The following SYN2 variants were observed in gnomAD, a reference collection of about 807,000 sequenced individuals.
SYN2 encodes synapsin II.
In SYN2, 19 loss-of-function variants were observed where a neutral mutation model predicts 50.9. That is an observed-to-expected ratio of 0.37 (90% CI 0.26 to 0.55). The LOEUF (loss-of-function observed/expected upper bound fraction) is 0.55. SYN2 is among the 20% of genes least tolerant of loss of function. SYN2 has a pLI of 0.81. For synonymous variants in SYN2, 255 were observed against 224.9 expected, an observed-to-expected ratio of 1.13 and a Z score of -1.20; for missense variants, 587 against 576.4, an observed-to-expected ratio of 1.02 and a Z score of -0.19.
chr3:12,166,963 G>A (rs577073606), intron 7 of SYN2, among the ~76,000 whole-genome samples: 1 of 152,332 alleles, frequency 6.6e-6, no homozygotes, highest in Admixed American at 6.5e-5. Flanking sequence ...AAGTTCTAAG[G>A]ACAGTGAAAG....
chr3:12,013,787 G>A (rs1388533005), intron 1 of SYN2, among the ~76,000 whole-genome samples: 1 of 152,064 alleles, frequency 6.6e-6, no homozygotes, highest in African/African-American at 2.4e-5. Flanking sequence ...CATCCTATAG[G>A]TAGTTTATGG....
chr3:12,038,567 T>C (rs1246987086), intron 1 of SYN2, among the ~76,000 whole-genome samples: 1 of 152,184 alleles, frequency 6.6e-6, no homozygotes, highest in African/African-American at 2.4e-5. Context: ...TCATTTATTT[T>C]GTTCTTCAAT....
intron 1 of SYN2, among the ~76,000 whole-genome samples, chr3:12,007,035 A>G (rs1415520108): frequency 6.6e-6 from 1 of 152,228 alleles, no homozygotes; most frequent in Non-Finnish European, 1.5e-5. Flanking sequence ...AGGTATCTAT[A>G]GATAGGTACT....
intron 1 of SYN2, among the ~76,000 whole-genome samples, chr3:12,020,474 C>G (rs1459287237): frequency 4.0e-5 from 6 of 151,832 alleles, no homozygotes; most frequent in Admixed American, 1.3e-4. Context: ...AGCACCTGGC[C>G]CTCTGACTCG....
At chr3:12,013,170 T>C (rs1447583196) in intron 1 of SYN2, among the ~76,000 whole-genome samples, 2 of 152,232 alleles carry the variant, frequency 1.3e-5, no homozygotes, top group Non-Finnish European at 2.9e-5. Context: ...GATCTTGCTA[T>C]GTTGCCTAGG....
intron 1 of SYN2, among the ~76,000 whole-genome samples, chr3:12,078,931 C>T (rs748509605): frequency 1.4e-4 from 22 of 152,216 alleles, no homozygotes; most frequent in Middle Eastern, 3.4e-3. Flanking sequence ...TCTTCCTGTC[C>T]GTGAACATGG....
At chr3:12,080,051 A>C (rs931259912) in intron 1 of SYN2, among the ~76,000 whole-genome samples, 3 of 152,044 alleles carry the variant, frequency 2.0e-5, no homozygotes, top group African/African-American at 7.2e-5. Context: ...GTGTCCAGGA[A>C]TTTATCAATT....
chr3:12,174,814 T>A (rs1194366506), intron 10 of SYN2, among the ~76,000 whole-genome samples: 1 of 152,184 alleles, frequency 6.6e-6, no homozygotes, highest in Non-Finnish European at 1.5e-5. Context: ...TAACTGATAC[T>A]TCCTCAACTA....
Position 12,169,854 on chromosome 3 carries a change from CCAG to C in SYN2, c.1257_1259del (p.Arg420del), listed in dbSNP as rs1697899261. ...ATCAGCAAGATGAACCAGCTGCTGTCCAGGACTCCTGCCCTGTCTCCTCAGAGA... is the reference window on the plus strand; with the variant it reads ...ATCAGCAAGATGAACCAGCTGCTGTCGACTCCTGCCCTGTCTCCTCAGAGA... On this transcript the variant is annotated inframe_deletion, in exon 10 of 13. Transcript: ENST00000621198. 2 of 1,613,560 alleles carry C rather than the reference CCAG, an allele frequency of 1.2e-6. No individual in the cohort carries two copies. The highest frequency in any genetic ancestry group is 4.5e-5 in the East Asian group (2 of 44,870).
chr3:12,060,597 G>T (rs1297912394), intron 1 of SYN2, among the ~76,000 whole-genome samples: 1 of 152,162 alleles, frequency 6.6e-6, no homozygotes, highest in African/African-American at 2.4e-5. Flanking sequence ...TAACTGCTGG[G>T]TTACAGCCAA....
chr3:12,081,834 C>G (rs1264693098), intron 1 of SYN2, among the ~76,000 whole-genome samples: 2 of 152,106 alleles, frequency 1.3e-5, no homozygotes, highest in East Asian at 3.9e-4. Flanking sequence ...ACTTCAAGGC[C>G]CAACTCAAGT....
At chr3:12,021,797 G>C (rs1288072455) in intron 1 of SYN2, among the ~76,000 whole-genome samples, 1 of 151,922 alleles carries the variant, frequency 6.6e-6, no homozygotes, top group Non-Finnish European at 1.5e-5. Context: ...GGGCGCGGTG[G>C]CTCATGCCTG....
intron 1 of SYN2, among the ~76,000 whole-genome samples, chr3:12,057,882 C>G (rs868795786): frequency 6.6e-6 from 1 of 152,134 alleles, no homozygotes; most frequent in African/African-American, 2.4e-5. Flanking sequence ...TAAACATACT[C>G]GAAACATAGT....
intron 3 of SYN2, 137 bp downstream of exon 3, chr3:12,142,133 A>G: frequency 1.7e-6 from 1 of 600,550 alleles, no homozygotes; most frequent in African/African-American, 1.8e-5. Flanking sequence ...TAATGATGTG[A>G]GTTGTGCAGA....
intron 1 of SYN2, among the ~76,000 whole-genome samples, chr3:12,110,008 C>A (rs1696279195): frequency 6.6e-6 from 1 of 152,070 alleles, no homozygotes; most frequent in African/African-American, 2.4e-5. Flanking sequence ...GGCAACATAG[C>A]AAGACCCCAT....
intron 1 of SYN2, among the ~76,000 whole-genome samples, chr3:12,012,855 T>C (rs1018088692): frequency 2.6e-5 from 4 of 152,226 alleles, no homozygotes; most frequent in African/African-American, 9.6e-5. Flanking sequence ...GCTCCATTCT[T>C]GTAAATAAAG....
chr3:12,177,625 T>C (rs1698111586), intron 10 of SYN2, among the ~76,000 whole-genome samples: 1 of 152,170 alleles, frequency 6.6e-6, no homozygotes, highest in Non-Finnish European at 1.5e-5. Flanking sequence ...ACAGCAGGAA[T>C]GGCTTTAGCA....
At chr3:12,143,331 C>A (rs879761001) in intron 3 of SYN2, among the ~76,000 whole-genome samples, 6 of 152,162 alleles carry the variant, frequency 3.9e-5, no homozygotes, top group Admixed American at 1.3e-4. Context: ...AGATTTGTTA[C>A]ACGAATTATG....
chr3:12,168,094 A>G (rs1289666432), intron 8 of SYN2, among the ~76,000 whole-genome samples: 6 of 152,226 alleles, frequency 3.9e-5, no homozygotes, highest in South Asian at 2.1e-4. Context: ...TGTACATACC[A>G]TAGAAGCTCC....
Sources: allele counts gnomAD v4.1 joint callset (sites outside exome capture counted in the v4.1 genomes callset), GRCh38; gene constraint gnomAD v4.1.1; transcripts MANE v1.5; gene names NCBI Gene and HGNC (gene_info 2026-07-23, HGNC 2026-07-21).